XIRP2: variants seen among roughly 807,000 people sequenced by gnomAD.
The protein encoded by XIRP2 is xin actin binding repeat containing 2, also known as xin actin-binding repeat-containing protein 2.
Under a neutral mutation model 277.0 loss-of-function variants are expected in XIRP2, and 236 were observed. The observed-to-expected ratio is 0.85, with a 90% CI of 0.77 to 0.95. The LOEUF is 0.95. Among genes scored for constraint, XIRP2 ranks in the 40% least tolerant of loss-of-function variants. The pLI, the probability that XIRP2 is intolerant of heterozygous loss-of-function variation, is 0.00. For missense variants in XIRP2, 4,640 were observed against 4,157.5 expected (o/e 1.12, Z -3.19); for synonymous variants, 1,490 against 1,416.5 (o/e 1.05, Z -1.17).
chr2:167,219,731 C>T (rs1008545649), intron 5 of XIRP2, among the ~76,000 whole-genome samples: 1 of 152,194 alleles, frequency 6.6e-6, no homozygotes, highest in Non-Finnish European at 1.5e-5. Flanking sequence ...GTAAACAGTA[C>T]TGCACAGACC....
Position 167,243,636 on chromosome 2 carries a change from G to A in XIRP2, c.2244G>A (p.Ser748=), listed in dbSNP as rs769558004. Residue 748 remains serine (S), a synonymous_variant, in exon 9 of 11, where the codon TCG becomes TCA. Coordinates refer to ENST00000409195, the MANE Select transcript of XIRP2 (RefSeq NM_152381.6). ...TQPLYVIRDG[S]GQMLEIKTVH... ...CATTATATGTTATTAGAGATGGTTC[G>A]GGCCAAATGCTGGAAATTAAAACTG... 75 of 1,613,800 alleles carry A rather than the reference G, an allele frequency of 4.6e-5. No individual in the cohort carries two copies. Among genetic ancestry groups the A allele is most frequent in the East Asian group, 2.9e-4 (13 of 44,864 alleles).
chr2:167,228,313 C>G (rs893707815), intron 5 of XIRP2, among the ~76,000 whole-genome samples: 4 of 152,148 alleles, frequency 2.6e-5, no homozygotes, highest in Non-Finnish European at 5.9e-5. Flanking sequence ...GCCATTTCAC[C>G]TTCTTCCTGC....
intron 3 of XIRP2, among the ~76,000 whole-genome samples, chr2:167,157,792 A>G (rs187437561): frequency 6.6e-6 from 1 of 152,308 alleles, no homozygotes; most frequent in Non-Finnish European, 1.5e-5. Flanking sequence ...GGAGGAAAAA[A>G]GTGTATGAGT....
intron 2 of XIRP2, among the ~76,000 whole-genome samples, chr2:166,963,266 CTATT>C (rs1455347647): frequency 1.3e-5 from 2 of 151,254 alleles, no homozygotes; most frequent in Non-Finnish European, 3.0e-5. Context: ...ACATATATGA[CTATT>C]TATATATTTA....
At chr2:167,229,969 A>T (rs962425688) in intron 5 of XIRP2, among the ~76,000 whole-genome samples, 5 of 152,000 alleles carry the variant, frequency 3.3e-5, no homozygotes, top group African/African-American at 1.2e-4. Context: ...AAAGGAGGAA[A>T]CTGTTCACCT....
intron 1 of XIRP2, among the ~76,000 whole-genome samples, chr2:166,897,889 G>T (rs945270299): frequency 2.6e-5 from 4 of 152,174 alleles, no homozygotes; most frequent in Admixed American, 2.6e-4. Context: ...GGCTATGCAG[G>T]GGCTTGCAGA....
chr2:167,196,045 G>A (rs558606800), intron 3 of XIRP2, among the ~76,000 whole-genome samples: 2 of 152,284 alleles, frequency 1.3e-5, no homozygotes, highest in Admixed American at 1.3e-4. Context: ...GCTGCTGTGT[G>A]TGTGTGTAAA....
At chr2:167,236,911 T>G (rs955171897) in intron 5 of XIRP2, among the ~76,000 whole-genome samples, 1 of 152,026 alleles carries the variant, frequency 6.6e-6, no homozygotes, top group African/African-American at 2.4e-5. Context: ...ACACCAACAA[T>G]TAGAAAGTCA....
At chr2:167,239,815 CT>C in intron 5 of XIRP2, 39 bp from the exon 6 acceptor site, 1 of 1,539,942 alleles carries the variant, frequency 6.5e-7, no homozygotes, top group Non-Finnish European at 8.7e-7. Flanking sequence ...AAAATTTTTA[CT>C]TTTCTTAAGG....
intron 2 of XIRP2, among the ~76,000 whole-genome samples, chr2:167,116,475 A>T (rs1690898714): frequency 6.6e-6 from 1 of 152,160 alleles, no homozygotes. Flanking sequence ...TTTTGATAAA[A>T]GTTTATATCC....
intron 3 of XIRP2, among the ~76,000 whole-genome samples, chr2:167,179,609 C>T (rs1017714875): frequency 1.5e-4 from 23 of 151,516 alleles, no homozygotes; most frequent in African/African-American, 3.6e-4. Flanking sequence ...CGTGAGCCAC[C>T]GCACCCAGCC....
intron 1 of XIRP2, among the ~76,000 whole-genome samples, chr2:166,898,328 A>G (rs1332697842): frequency 6.6e-6 from 1 of 152,138 alleles, no homozygotes; most frequent in Non-Finnish European, 1.5e-5. Flanking sequence ...TCACACAGGT[A>G]TGTTGCTGAT....
In XIRP2 at chr2:167,258,757, G is replaced by A. The variant is rs778017182; in HGVS notation, c.*940G>A. ...AATTTCTTGATCTATTACCCTTGTCGAGTGAAGCAAATGACACTGCAAATG... is the reference window on the plus strand; with the variant it reads ...AATTTCTTGATCTATTACCCTTGTCAAGTGAAGCAAATGACACTGCAAATG... On this transcript the variant is annotated 3_prime_UTR_variant, in exon 11 of 11. Transcript: ENST00000409195. 1.9e-5 allele frequency: 30 copies of A among 1,613,136 alleles called. No homozygotes were observed. The highest frequency in any genetic ancestry group is 2.7e-5 in the African/African-American group (2 of 74,828).
chr2:166,942,257 A>T (rs1308582107), intron 2 of XIRP2, among the ~76,000 whole-genome samples: 2 of 152,222 alleles, frequency 1.3e-5, no homozygotes, highest in Admixed American at 6.5e-5. Flanking sequence ...GCTTTAAAAA[A>T]TATTGACCCT....
intron 7 of XIRP2, 25 bp from the exon 8 acceptor site, chr2:167,241,752 C>T: frequency 6.3e-7 from 1 of 1,588,280 alleles, no homozygotes; most frequent in Non-Finnish European, 8.5e-7. Context: ...TACATAGTAA[C>T]CCTGGTGTGT....
chr2:167,139,115 T>TAC (rs1225707166), intron 3 of XIRP2, among the ~76,000 whole-genome samples: 1 of 150,976 alleles, frequency 6.6e-6, no homozygotes, highest in South Asian at 2.1e-4. Flanking sequence ...TATATGCATA[T>TAC]ATATATATAT....
intron 5 of XIRP2, among the ~76,000 whole-genome samples, chr2:167,219,722 T>C (rs1338333848): frequency 3.9e-5 from 6 of 152,214 alleles, no homozygotes; most frequent in Non-Finnish European, 5.9e-5. Flanking sequence ...GCATACTATG[T>C]AAACAGTACT....
chr2:167,181,307 A>C (rs968105453), intron 3 of XIRP2, among the ~76,000 whole-genome samples: 8 of 152,106 alleles, frequency 5.3e-5, no homozygotes, highest in African/African-American at 1.9e-4. Context: ...ATTTGGGGAA[A>C]CTATTTGTTC....
intron 2 of XIRP2, among the ~76,000 whole-genome samples, chr2:167,017,393 CCT>C (rs1434577946): frequency 1.3e-5 from 2 of 151,930 alleles, no homozygotes; most frequent in Admixed American, 6.6e-5. Context: ...ACCATGTATT[CCT>C]CTCTGTCAAC....
Sources: gnomAD v4.1 joint callset for allele counts (sites outside exome capture counted in the v4.1 genomes callset) on GRCh38, gnomAD v4.1.1 for gene constraint, MANE v1.5 for transcripts, NCBI Gene and HGNC (gene_info 2026-07-23, HGNC 2026-07-21) for gene names.